ADAMTS20: variants seen among roughly 807,000 people sequenced by gnomAD.
ADAMTS20 encodes ADAM metallopeptidase with thrombospondin type 1 motif 20, also known as A disintegrin and metalloproteinase with thrombospondin motifs 20.
A neutral mutation model predicts 260.1 loss-of-function variants in ADAMTS20; 225 were observed. The observed-to-expected ratio is 0.87, with a 90% CI of 0.78 to 0.97. The LOEUF is 0.97. ADAMTS20 is among the 50% of genes least tolerant of loss of function. The probability of loss-of-function intolerance (pLI) is 0.00; values close to 1 mark genes in which losing one functional copy is unlikely to be tolerated. For missense variants in ADAMTS20, 2,400 were observed against 2,337.7 expected (o/e 1.03, Z -0.55); for synonymous variants, 802 against 769.5 (o/e 1.04, Z -0.70).
At chr12:43,511,002 A>G (rs1422485171) in intron 3 of ADAMTS20, among the ~76,000 whole-genome samples, 1 of 152,002 alleles carries the variant, frequency 6.6e-6, no homozygotes, top group Admixed American at 6.6e-5. Context: ...CCCGATACCT[A>G]TAACTGATAT....
At chr12:43,403,157 A>G (rs1376490206) in intron 28 of ADAMTS20, among the ~76,000 whole-genome samples, 1 of 152,086 alleles carries the variant, frequency 6.6e-6, no homozygotes. Flanking sequence ...CTTTGGAATA[A>G]GTATATTTTT....
chr12:43,466,728 C>T lies in ADAMTS20; in HGVS notation c.1291G>A (p.Ala431Thr), dbSNP rs149591802. 9 of 1,610,038 alleles carry T rather than the reference C, an allele frequency of 5.6e-6. No homozygotes were observed. In the African/African-American group the frequency reaches 1.2e-4, roughly 22 times the overall value. The stretch of plus-strand genomic sequence containing the variant: ...CTCATGTGAAAACTTAAAGCAGGGG[C>T]CATTACATGATACTTTGTAACTTTC... ...EMKVTKYHVM[A>T]PALSFHMSPW... is the part of the protein sequence containing the mutation. The change falls in exon 9 of 39, where the codon GCC (alanine) becomes ACC (threonine). Residue 431 changes from alanine (A) to threonine (T), a missense_variant. Transcript: ENST00000389420.
Position 43,471,209 on chromosome 12 carries a change from CAAAG to C in ADAMTS20, c.1118-2508_1118-2505del, listed in dbSNP as rs556552991. 4.6e-5 allele frequency among the ~76,000 whole-genome samples: 7 copies of C among 152,244 alleles called. No homozygotes were observed. The South Asian group carries it at 1.5e-3, about 32-fold the overall frequency. ...GGGTCAGGGAGTTCCCTTTCCGAGT[CAAAG>C]AAAGGGGTGACGGACGCACCTGGAA... On this transcript the variant is annotated intron_variant, in intron 7 of 38. Transcript: ENST00000389420.
At chr12:43,394,725 T>C (rs1215862682) in intron 29 of ADAMTS20, among the ~76,000 whole-genome samples, 1 of 152,106 alleles carries the variant, frequency 6.6e-6, no homozygotes, top group East Asian at 1.9e-4. Flanking sequence ...GATGAGCTAA[T>C]GTATAATGAT....
intron 16 of ADAMTS20, among the ~76,000 whole-genome samples, chr12:43,442,303 G>T (rs1941681423): frequency 6.6e-6 from 1 of 150,958 alleles, no homozygotes; most frequent in Non-Finnish European, 1.5e-5. Context: ...TGTTGCCCAG[G>T]CTGGAGTGCA....
At chr12:43,433,700 ACAAAC>A in intron 19 of ADAMTS20, 1 of 287,488 alleles carries the variant, frequency 3.5e-6, no homozygotes, top group South Asian at 2.1e-5. Context: ...ACATGCACAC[ACAAAC>A]ACACACACAC....
At position 43,461,200 on chromosome 12, in the gene ADAMTS20, C is replaced by T. The variant is rs948571886; in HGVS notation, c.1614+1695G>A. ...GAGATGGGGTTTTGCCTTGTTGGCC[C>T]GGCTGGTCTTGAACTCTTGATCTCA... On this transcript the variant is annotated intron_variant, in intron 11 of 38. Transcript: ENST00000389420. 9.3e-5 allele frequency among the ~76,000 whole-genome samples: 14 copies of T among 150,774 alleles called. No individual in the cohort carries two copies. In the East Asian group the frequency reaches 1.6e-3, roughly 17 times the overall value.
intron 29 of ADAMTS20, among the ~76,000 whole-genome samples, chr12:43,391,593 T>C (rs1420024767): frequency 2.0e-5 from 3 of 152,186 alleles, no homozygotes; most frequent in African/African-American, 7.2e-5. Flanking sequence ...ATTGTTTATA[T>C]TCCTTGTCAT....
chr12:43,474,551 G>A (rs765221904), intron 7 of ADAMTS20, among the ~76,000 whole-genome samples: 6,814 of 101,138 alleles, frequency 0.067, 242 homozygotes, highest in Middle Eastern at 0.18. Context: ...GAGAATTTTA[G>A]ACCAATATCC....
At chr12:43,413,422 A>G (rs1273780665) in intron 28 of ADAMTS20, among the ~76,000 whole-genome samples, 1 of 152,206 alleles carries the variant, frequency 6.6e-6, no homozygotes, top group Non-Finnish European at 1.5e-5. Flanking sequence ...AGAAATAGAA[A>G]TGGTTCTACT....
At chr12:43,491,100 A>G (rs1386548998) in intron 6 of ADAMTS20, among the ~76,000 whole-genome samples, 2 of 152,160 alleles carry the variant, frequency 1.3e-5, no homozygotes, top group African/African-American at 4.8e-5. Flanking sequence ...TCAGTCAACA[A>G]TGGACTGCAT....
intron 18 of ADAMTS20, among the ~76,000 whole-genome samples, chr12:43,435,659 A>C (rs1592067537): frequency 7.1e-6 from 1 of 141,640 alleles, no homozygotes; most frequent in Non-Finnish European, 1.5e-5. Flanking sequence ...AAAAAAAAAC[A>C]AAAAAATAAA....
rs190908890 is a variant in ADAMTS20, at chr12:43,512,498, C to T, written c.614-10093G>A. Among the ~76,000 whole-genome samples the T allele has an allele frequency of 5.6e-4, 85 of 152,000 alleles. 1 individual carries two copies. Among genetic ancestry groups the T allele is most frequent in the African/African-American group, 1.9e-3 (78 of 41,514 alleles). On this transcript the variant is annotated intron_variant, in intron 3 of 38. Transcript: ENST00000389420. ...TAACATAAAAGTGTATGAAAATCTA[C>T]AGTCCTCTGTGATTTCTCAATATTA...
chr12:43,354,213 A>C lies in ADAMTS20; in HGVS notation c.5729T>G (p.Ile1910Arg). The C allele has an allele frequency of 6.3e-7, 1 of 1,580,122 alleles. No individual in the cohort carries two copies. Among genetic ancestry groups the C allele is most frequent in the Non-Finnish European group, 8.6e-7 (1 of 1,159,946 alleles). ...ATACTTCCCCCTTCTAAATGTTCAT[A>C]TGACTTGAATTGGGAGACCAGTAGT... ...HMTTGLPIQV[I>R] The change falls in exon 39 of 39, where the codon ATA becomes AGA. Residue 1910 changes from isoleucine to arginine, a missense_variant. Coordinates refer to ENST00000389420, the MANE Select transcript of ADAMTS20 (RefSeq NM_025003.5).
Position 43,503,285 on chromosome 12 carries a change from A to T in ADAMTS20, c.614-880T>A, listed in dbSNP as rs146697348. Among the ~76,000 whole-genome samples, 72 of 152,264 alleles carry T rather than the reference A, an allele frequency of 4.7e-4. 1 individual carries two copies. In the East Asian group the frequency reaches 0.014, roughly 29 times the overall value. The stretch of plus-strand genomic sequence containing the variant: ...TTTGGTGGTGGTATTTTCAATAGAA[A>T]AGCGGACCAAAGGAGTCAAGTGAGA... On this transcript the variant is annotated intron_variant, in intron 3 of 38. Coordinates refer to ENST00000389420, the MANE Select transcript of ADAMTS20 (RefSeq NM_025003.5).
In ADAMTS20 at chr12:43,551,284, G is replaced by C; in HGVS notation, c.92-14C>G. ...TCACCAGGGCTTCTGCAACAACAGC[G>C]ACAGGACCAGTGAGCTCCCACGCGT... On this transcript the variant is annotated splice_polypyrimidine_tract_variant and intron_variant, in intron 1 of 38. Transcript: ENST00000389420. The surrounding 1 kb of genome is among the most constrained non-coding windows in gnomAD (Gnocchi z 4.6). 1 of 1,605,502 alleles carries C rather than the reference G, an allele frequency of 6.2e-7. No homozygotes were observed. Among genetic ancestry groups the C allele is most frequent in the Non-Finnish European group, 8.5e-7 (1 of 1,174,498 alleles).
rs1467220997 is a variant in ADAMTS20, at chr12:43,432,914, G to A, written c.2721-103C>T. On this transcript the variant is annotated intron_variant, in intron 19 of 38. Coordinates refer to ENST00000389420, the MANE Select transcript of ADAMTS20 (RefSeq NM_025003.5). ...GTTTTTAAAATCCTAAAAGTTGATA[G>A]ACAAACCACCAAAAAACAAAACCAG... The A allele has an allele frequency of 9.4e-6, 10 of 1,059,158 alleles. No individual in the cohort carries two copies. In the East Asian group the frequency reaches 2.4e-4, roughly 26 times the overall value. 65.6% of individuals were successfully genotyped at this position (1,059,158 alleles called of 1,614,324 possible).
intron 18 of ADAMTS20, 147 bp downstream of exon 18, chr12:43,439,475 G>C: frequency 1.1e-6 from 1 of 908,884 alleles, no homozygotes; most frequent in Non-Finnish European, 1.6e-6. Context: ...AAGTAGAAAG[G>C]AAAAAAAGAT....
At chr12:43,472,878 A>C (rs1942289317) in intron 7 of ADAMTS20, among the ~76,000 whole-genome samples, 1 of 148,286 alleles carries the variant, frequency 6.7e-6, no homozygotes, top group African/African-American at 2.5e-5. Context: ...GCCACTGCAA[A>C]ATCATGCCAA....
Sources: allele counts gnomAD v4.1 joint callset (sites outside exome capture counted in the v4.1 genomes callset), GRCh38; gene constraint gnomAD v4.1.1; non-coding constraint Gnocchi (gnomAD v3.1); transcripts MANE v1.5; gene names NCBI Gene and HGNC (gene_info 2026-07-23, HGNC 2026-07-21).